SLIT2: variants seen among roughly 807,000 people sequenced by gnomAD.
The protein encoded by SLIT2 is slit homolog 2 protein.
Under a neutral mutation model 185.7 loss-of-function variants are expected in SLIT2, and 41 were observed. The observed-to-expected ratio is 0.22, with a 90% CI of 0.17 to 0.29. SLIT2 has a LOEUF of 0.29. Among genes scored for constraint, SLIT2 ranks in the 10% least tolerant of loss-of-function variants. The pLI is 1.00. For synonymous variants in SLIT2, 693 were observed against 680.2 expected (o/e 1.02, Z -0.29); for missense variants, 1,571 against 1,909.0 (o/e 0.82, Z 3.30).
At chr4:20,584,498 G>A (rs1726882012) in intron 29 of SLIT2, among the ~76,000 whole-genome samples, 1 of 152,224 alleles carries the variant, frequency 6.6e-6, no homozygotes, top group Non-Finnish European at 1.5e-5. Context: ...GGGACAACGG[G>A]TATAAACCAG....
At chr4:20,442,643 G>A (rs1729859177) in intron 4 of SLIT2, among the ~76,000 whole-genome samples, 1 of 152,128 alleles carries the variant, frequency 6.6e-6, no homozygotes, top group Non-Finnish European at 1.5e-5. Context: ...AAGCAGCATA[G>A]GAATGTCGTG....
rs186353834 is a variant in SLIT2, at chr4:20,571,501, C to G, written c.3088+2497C>G. ...CATTTACAAAATTTCTAACAACCAT[C>G]TGCGGATTTTGAAATCATTGACACA... On this transcript the variant is annotated intron_variant, in intron 29 of 36. Coordinates refer to ENST00000504154, the MANE Select transcript of SLIT2 (RefSeq NM_004787.4). Among the ~76,000 whole-genome samples the G allele has an allele frequency of 3.9e-5, 6 of 152,274 alleles. No homozygotes were observed. In the East Asian group the frequency reaches 1.2e-3, roughly 29 times the overall value.
intron 4 of SLIT2, among the ~76,000 whole-genome samples, chr4:20,428,237 A>G (rs1728703087): frequency 6.6e-6 from 1 of 152,216 alleles, no homozygotes. Context: ...GAGCACACAC[A>G]CATGTACACA....
chr4:20,344,150 A>C (rs1168466031), intron 4 of SLIT2, among the ~76,000 whole-genome samples: 2 of 152,184 alleles, frequency 1.3e-5, no homozygotes, highest in Admixed American at 1.3e-4. Context: ...GCCCGGCCAC[A>C]AAGTATCCTT....
intron 29 of SLIT2, chr4:20,573,283 T>C (rs1158981548): frequency 2.8e-6 from 2 of 702,984 alleles, no homozygotes; most frequent in Admixed American, 4.0e-5. Flanking sequence ...TTAAGTCTAT[T>C]ATGATTTTCA....
chr4:20,390,327 A>G (rs1725312448), intron 4 of SLIT2, among the ~76,000 whole-genome samples: 1 of 152,168 alleles, frequency 6.6e-6, no homozygotes, highest in Non-Finnish European at 1.5e-5. Flanking sequence ...TTGCTTCACC[A>G]ATAAGCATCT....
At chr4:20,386,195 T>C (rs1408262403) in intron 4 of SLIT2, among the ~76,000 whole-genome samples, 1 of 152,166 alleles carries the variant, frequency 6.6e-6, no homozygotes, top group African/African-American at 2.4e-5. Flanking sequence ...TGTATTAAGC[T>C]GAATGATCTG....
At chr4:20,401,450 A>G (rs1472949791) in intron 4 of SLIT2, among the ~76,000 whole-genome samples, 1 of 151,694 alleles carries the variant, frequency 6.6e-6, no homozygotes, top group Non-Finnish European at 1.5e-5. Context: ...GGTGAATGAT[A>G]TTTTGCATCA....
chr4:20,356,167 A>T (rs905446273), intron 4 of SLIT2, among the ~76,000 whole-genome samples: 1 of 152,176 alleles, frequency 6.6e-6, no homozygotes, highest in Non-Finnish European at 1.5e-5. Context: ...ATATTAGAAC[A>T]AAAGCCAGCA....
chr4:20,420,771 A>G (rs1029430705), intron 4 of SLIT2, among the ~76,000 whole-genome samples: 7 of 152,064 alleles, frequency 4.6e-5, no homozygotes, highest in South Asian at 2.1e-4. Context: ...TTGGGAGGCA[A>G]TTTGATTTAG....
Position 20,548,510 on chromosome 4 carries a change from A to G in SLIT2, c.2368A>G (p.Ser790Gly). The G allele has an allele frequency of 6.2e-7, 1 of 1,603,748 alleles. No homozygotes were observed. Among genetic ancestry groups the G allele is most frequent in the Non-Finnish European group, 8.5e-7 (1 of 1,170,816 alleles). Residue 790 changes from serine to glycine, a missense_variant, in exon 23 of 37, where the codon AGC (serine) becomes GGC (glycine). Physicochemically the swap from Ser to Gly is moderately conservative, Grantham distance 56. Coordinates refer to ENST00000504154, the MANE Select transcript of SLIT2 (RefSeq NM_004787.4). The part of the protein sequence containing the change: ...TLIDLSNNRI[S>G]TLSNQSFSNM... Reference sequence around the variant, plus strand: ...TAGAGACTTAAGTAACAACAGAATAAGCACGCTTTCTAATCAGAGCTTCAG... The same window carrying G: ...TAGAGACTTAAGTAACAACAGAATAGGCACGCTTTCTAATCAGAGCTTCAG...
At chr4:20,525,301 A>G (rs190662695) in intron 15 of SLIT2, 129 bp downstream of exon 15, 16 of 655,306 alleles carry the variant, frequency 2.4e-5, no homozygotes, top group African/African-American at 8.9e-5. Context: ...TGACTTATGC[A>G]TATATCACTT....
At chr4:20,341,747 T>C (rs1448973317) in intron 4 of SLIT2, among the ~76,000 whole-genome samples, 1 of 152,196 alleles carries the variant, frequency 6.6e-6, no homozygotes, top group Non-Finnish European at 1.5e-5. Context: ...AGAGAATTAA[T>C]CACTATTAAC....
At chr4:20,300,850 A>G (rs993228001) in intron 4 of SLIT2, among the ~76,000 whole-genome samples, 2 of 152,102 alleles carry the variant, frequency 1.3e-5, no homozygotes, top group Non-Finnish European at 2.9e-5. Context: ...TCGTTTGAGT[A>G]TGATTATGCT....
rs768697628 is a variant in SLIT2 at position 20,254,042 on chromosome 4, C to T, written c.179+48C>T. ...CCCCTCTCCCCATCCGGGCCGCGCA[C>T]CCCTGCCTCCACTGGAGGAACCTGT... On this transcript the variant is annotated intron_variant, in intron 1 of 36. Coordinates refer to ENST00000504154, the MANE Select transcript of SLIT2 (RefSeq NM_004787.4). The surrounding 1 kb of genome is among the most constrained non-coding windows in gnomAD (Gnocchi z 5.1). The T allele has an allele frequency of 1.5e-5, 23 of 1,559,688 alleles. No homozygotes were observed. Among genetic ancestry groups the T allele is most frequent in the Non-Finnish European group, 1.8e-5 (21 of 1,150,852 alleles).
chr4:20,361,445 C>A (rs1031112291), intron 4 of SLIT2, among the ~76,000 whole-genome samples: 4 of 152,092 alleles, frequency 2.6e-5, no homozygotes, highest in South Asian at 2.1e-4. Flanking sequence ...ATTTCAGGAT[C>A]TCTCTTTAGA....
chr4:20,483,265 G>GAT (rs1479350386), intron 6 of SLIT2, among the ~76,000 whole-genome samples: 1 of 151,904 alleles, frequency 6.6e-6, no homozygotes, highest in African/African-American at 2.4e-5. Context: ...ATCAAATTAG[G>GAT]ATATATATGA....
intron 26 of SLIT2, among the ~76,000 whole-genome samples, chr4:20,560,067 A>T (rs553505923): frequency 1.2e-4 from 18 of 152,056 alleles, no homozygotes; most frequent in Admixed American, 7.2e-4. Context: ...CAGCAAAGTC[A>T]TGTTTCTTTA....
intron 4 of SLIT2, among the ~76,000 whole-genome samples, chr4:20,376,434 G>A (rs1724029111): frequency 6.6e-6 from 1 of 151,930 alleles, no homozygotes; most frequent in African/African-American, 2.4e-5. Context: ...ATTGTAGAAA[G>A]CATACTTCAA....
Sources: gnomAD v4.1 joint callset for allele counts (sites outside exome capture counted in the v4.1 genomes callset) on GRCh38, gnomAD v4.1.1 for gene constraint, Gnocchi (gnomAD v3.1) non-coding constraint, MANE v1.5 for transcripts, NCBI Gene and HGNC (gene_info 2026-07-23, HGNC 2026-07-21) for gene names.